The following SMAD1 variants were observed in gnomAD, a reference collection of about 807,000 sequenced individuals.
SMAD1 encodes the protein MAD, mothers against decapentaplegic homolog 1.
Under a neutral mutation model 41.6 loss-of-function variants are expected in SMAD1, and 6 were observed. That is an observed-to-expected ratio of 0.14 (90% CI 0.08 to 0.28). The LOEUF (loss-of-function observed/expected upper bound fraction) is 0.28. Among genes scored for constraint, SMAD1 ranks in the 10% least tolerant of loss-of-function variants. The probability of loss-of-function intolerance (pLI) is 1.00; values close to 1 mark genes in which losing one functional copy is unlikely to be tolerated. For missense variants in SMAD1, 379 were observed against 582.6 expected (o/e 0.65, Z 3.60); for synonymous variants, 206 against 203.2 (o/e 1.01, Z -0.12).
chr4:145,498,304 C>T (rs566132167), intron 1 of SMAD1, among the ~76,000 whole-genome samples: 2 of 152,252 alleles, frequency 1.3e-5, no homozygotes, highest in Admixed American at 6.5e-5. Context: ...AGAGTACATT[C>T]CATTCCTATC....
intron 2 of SMAD1, among the ~76,000 whole-genome samples, chr4:145,529,880 T>C (rs1731228168): frequency 6.6e-6 from 1 of 152,190 alleles, no homozygotes; most frequent in Non-Finnish European, 1.5e-5. Flanking sequence ...TTGCTGAAGG[T>C]TTTGACTTGT....
intron 4 of SMAD1, chr4:145,546,482 GA>G: frequency 1.9e-6 from 1 of 535,064 alleles, no homozygotes; most frequent in Non-Finnish European, 3.3e-6. Flanking sequence ...ATAGTAATTG[GA>G]GAAAATTGTT....
At chr4:145,551,325 A>G (rs965894928) in intron 5 of SMAD1, among the ~76,000 whole-genome samples, 1 of 152,314 alleles carries the variant, frequency 6.6e-6, no homozygotes, top group African/African-American at 2.4e-5. Context: ...CATACCATAT[A>G]TGCAAACAGA....
chr4:145,483,871 G>A (rs563966085), intron 1 of SMAD1, among the ~76,000 whole-genome samples: 12 of 152,280 alleles, frequency 7.9e-5, no homozygotes, highest in Admixed American at 4.6e-4. Context: ...ACCTCTTGCA[G>A]TATCCTTTGG....
chr4:145,548,252 G>A (rs372699152), intron 5 of SMAD1, among the ~76,000 whole-genome samples: 17 of 150,026 alleles, frequency 1.1e-4, no homozygotes, highest in African/African-American at 3.9e-4. Context: ...TTTTTGAGAC[G>A]GAGTCTCCCT....
chr4:145,498,594 C>G (rs1030855192), intron 1 of SMAD1, among the ~76,000 whole-genome samples: 2 of 152,192 alleles, frequency 1.3e-5, no homozygotes, highest in African/African-American at 4.8e-5. Flanking sequence ...ACCCAGCTCA[C>G]TCCTAAAGGT....
chr4:145,508,131 G>T (rs1460395439), intron 1 of SMAD1, among the ~76,000 whole-genome samples: 2 of 148,602 alleles, frequency 1.3e-5, no homozygotes, highest in African/African-American at 4.9e-5. Flanking sequence ...CTGTATTGAA[G>T]ATATTACCTT....
intron 1 of SMAD1, among the ~76,000 whole-genome samples, chr4:145,512,416 T>A (rs1382067135): frequency 6.6e-6 from 1 of 152,188 alleles, no homozygotes; most frequent in African/African-American, 2.4e-5. Flanking sequence ...TCTCCTTAGT[T>A]CTTTATTTTT....
At chr4:145,491,453 AACT>A (rs1728761225) in intron 1 of SMAD1, among the ~76,000 whole-genome samples, 1 of 152,132 alleles carries the variant, frequency 6.6e-6, no homozygotes, top group Non-Finnish European at 1.5e-5. Context: ...AAGAAGTACA[AACT>A]ACTAATGAAC....
chr4:145,547,808 G>A lies in SMAD1; in HGVS notation c.997+884G>A, dbSNP rs375511783. ...TGATTTTAGTAATACATATGTGTAT[G>A]TATGTATGCATGTTTATGTTCTCAT... On this transcript the variant is annotated intron_variant, in intron 5 of 6. Transcript: ENST00000302085. 4.2e-4 allele frequency among the ~76,000 whole-genome samples: 64 copies of A among 152,302 alleles called. 1 individual carries two copies. The South Asian group carries it at 0.011, about 27-fold the overall frequency.
Position 145,514,168 on chromosome 4 carries a change from T to C in SMAD1, c.-176-270T>C, listed in dbSNP as rs542178519. Among the ~76,000 whole-genome samples, 3 of 152,212 alleles carry C rather than the reference T, an allele frequency of 2.0e-5. No homozygotes were observed. The highest frequency in any genetic ancestry group is 6.5e-5 in the Admixed American group (1 of 15,290). On this transcript the variant is annotated intron_variant, in intron 1 of 6. Coordinates refer to ENST00000302085, the MANE Select transcript of SMAD1 (RefSeq NM_005900.3). The surrounding 1 kb of genome is among the most constrained non-coding windows in gnomAD (Gnocchi z 4.7). ...GTGCATAGAGGCTGGAGGAGGGAGA[T>C]AGCAATCTTAAGACCACCAGTCCTA...
At position 145,518,633 on chromosome 4, in the gene SMAD1, A is replaced by G. The variant is rs911482555; in HGVS notation, c.400+3620A>G. 2.4e-5 allele frequency among the ~76,000 whole-genome samples: 3 copies of G among 126,820 alleles called. 1 individual carries two copies. Among genetic ancestry groups the G allele is most frequent in the Non-Finnish European group, 5.8e-5 (3 of 51,426 alleles). The allele number at this position is 126,820 out of a possible 152,430, so 83.2% of individuals were successfully genotyped here. A position where few individuals can be genotyped will look rare whatever the true frequency, so the allele number is the denominator to read the frequency against. On this transcript the variant is annotated intron_variant, in intron 2 of 6. Coordinates refer to ENST00000302085, the MANE Select transcript of SMAD1 (RefSeq NM_005900.3). ...GGGTCTGGAATTCTAAGCTGCACATATACACAGCTCAACACTGAATTATTT... is the reference window on the plus strand; with the variant it reads ...GGGTCTGGAATTCTAAGCTGCACATGTACACAGCTCAACACTGAATTATTT...
chr4:145,538,966 A>C (rs370751051), intron 2 of SMAD1, among the ~76,000 whole-genome samples: 12 of 152,128 alleles, frequency 7.9e-5, no homozygotes, highest in African/African-American at 2.9e-4. Flanking sequence ...TGACCATGCC[A>C]ATTATTAACT....
chr4:145,531,140 A>G (rs1361260984), intron 2 of SMAD1, among the ~76,000 whole-genome samples: 1 of 152,224 alleles, frequency 6.6e-6, no homozygotes, highest in Non-Finnish European at 1.5e-5. Context: ...TTAGGCTGTT[A>G]TATATTTTCA....
intron 2 of SMAD1, among the ~76,000 whole-genome samples, chr4:145,520,393 CTG>C (rs1487477585): frequency 6.6e-6 from 1 of 152,198 alleles, no homozygotes; most frequent in African/African-American, 2.4e-5. Flanking sequence ...GAATCAGACT[CTG>C]GAGATGGGGA....
intron 2 of SMAD1, among the ~76,000 whole-genome samples, chr4:145,522,684 G>T (rs1253006469): frequency 1.3e-5 from 2 of 151,028 alleles, no homozygotes; most frequent in African/African-American, 4.9e-5. Context: ...TTGTTTTTTT[G>T]TTTTTTTTAA....
At chr4:145,543,331 A>G (rs559892116) in intron 4 of SMAD1, among the ~76,000 whole-genome samples, 1 of 152,340 alleles carries the variant, frequency 6.6e-6, no homozygotes, top group South Asian at 2.1e-4. Flanking sequence ...GTACTGAAGT[A>G]GAGTTTTCAC....
chr4:145,483,963 C>T (rs903004741), intron 1 of SMAD1, among the ~76,000 whole-genome samples: 1 of 152,192 alleles, frequency 6.6e-6, no homozygotes, highest in African/African-American at 2.4e-5. Flanking sequence ...TGGCCTCTTA[C>T]ACTTCTTGGA....
At chr4:145,540,188 G>A (rs186864970) in intron 3 of SMAD1, 127 bp downstream of exon 3, 27 of 1,019,262 alleles carry the variant, frequency 2.6e-5, no homozygotes, top group South Asian at 2.1e-4. Flanking sequence ...TAGTGCTCTC[G>A]CACTTTTAGG....
Sources: gnomAD v4.1 joint callset for allele counts (sites outside exome capture counted in the v4.1 genomes callset) on GRCh38, gnomAD v4.1.1 for gene constraint, Gnocchi (gnomAD v3.1) non-coding constraint, MANE v1.5 for transcripts, NCBI Gene and HGNC (gene_info 2026-07-23, HGNC 2026-07-21) for gene names.